The following ADIPOR1 variants were observed in gnomAD, a reference collection of about 807,000 sequenced individuals.
ADIPOR1 encodes the protein adiponectin receptor protein 1.
Under a neutral mutation model 37.5 loss-of-function variants are expected in ADIPOR1, and 15 were observed. The observed-to-expected ratio is 0.40, with a 90% confidence interval of 0.27 to 0.62. The LOEUF (loss-of-function observed/expected upper bound fraction) is 0.62, where lower values mean the gene tolerates loss of function less well. ADIPOR1 is among the 20% of genes least tolerant of loss of function. The probability of loss-of-function intolerance (pLI) is 0.42; values close to 1 mark genes in which losing one functional copy is unlikely to be tolerated. For missense variants in ADIPOR1, 286 were observed against 478.0 expected (o/e 0.60, Z 3.75); for synonymous variants, 173 against 173.2 (o/e 1.00, Z 0.01).
rs773885338 is a variant in ADIPOR1 at position 202,946,566 on chromosome 1, A to G, written c.303T>C (p.Pro101=). The part of the protein sequence containing the change: ...RWRVIPYDVL[P]DWLKDNDYLL... ...GATAGTCGTTGTCCTTTAGCCAGTC[A>G]GGGAGCACATCATATGGGATGACCC... Residue 101 remains proline, a synonymous_variant, in exon 4 of 8, where the codon CCT becomes CCC. Coordinates refer to ENST00000340990, the MANE Select transcript of ADIPOR1 (RefSeq NM_015999.6). 1.9e-6 allele frequency: 3 copies of G among 1,614,136 alleles called. No homozygotes were observed. In the South Asian group the frequency reaches 3.3e-5, roughly 18 times the overall value.
Position 202,940,886 on chromosome 1 carries a change from T to A in ADIPOR1, c.*687A>T, listed in dbSNP as rs984580920. The A allele has an allele frequency of 1.8e-4, 27 of 152,730 alleles. No individual in the cohort carries two copies. Among genetic ancestry groups the A allele is most frequent in the African/African-American group, 6.3e-4 (26 of 41,558 alleles). The allele number at this position is 152,730 out of a possible 1,614,324, so 9.5% of individuals were successfully genotyped here. On this transcript the variant is annotated 3_prime_UTR_variant, in exon 8 of 8. Coordinates refer to ENST00000340990, the MANE Select transcript of ADIPOR1 (RefSeq NM_015999.6). ...TTTTATTAACATCATAGTCTTTGCA[T>A]CAAGATACATAGCAATGATAGCAGG...
At chr1:202,952,764 T>C (rs1439479866) in intron 1 of ADIPOR1, among the ~76,000 whole-genome samples, 1 of 152,200 alleles carries the variant, frequency 6.6e-6, no homozygotes, top group African/African-American at 2.4e-5. Context: ...CATAATCTCA[T>C]GAGCCAATTC....
intron 3 of ADIPOR1, among the ~76,000 whole-genome samples, chr1:202,948,069 G>A (rs33942950): frequency 0.25 from 37,605 of 152,000 alleles, 5,681 homozygotes; most frequent in East Asian, 0.57. Context: ...TTCCAAAGGC[G>A]CCCCTTGCAT....
intron 5 of ADIPOR1, chr1:202,944,221 C>A (rs1654215814): frequency 3.5e-6 from 1 of 283,196 alleles, no homozygotes. Flanking sequence ...ATAGTAGACA[C>A]TTGAATTTAG....
At position 202,942,070 on chromosome 1, in the gene ADIPOR1, A is replaced by T; in HGVS notation, c.954T>A (p.Ala318=). 6.2e-7 allele frequency: 1 copy of T among 1,613,246 alleles called. No homozygotes were observed. ...GAAAGAAGCGCTCAGGAATTCGAGC[A>T]GCATAAAGGCCAGCTCCAGTGATGT... is the stretch of plus-strand genomic sequence containing the variant. ...VMYITGAGLY[A]ARIPERFFPG... Residue 318 remains alanine, a synonymous_variant, in exon 7 of 8, where the codon GCT becomes GCA. Transcript: ENST00000340990.
chr1:202,944,136 G>A (rs963652215), intron 5 of ADIPOR1, 191 bp from the exon 6 acceptor site: 16 of 533,726 alleles, frequency 3.0e-5, no homozygotes, highest in Non-Finnish European at 4.2e-5. Flanking sequence ...TCTATTTTAC[G>A]ATGGAAAAAT....
intron 1 of ADIPOR1, among the ~76,000 whole-genome samples, chr1:202,957,936 G>A (rs555206673): frequency 2.0e-5 from 3 of 152,280 alleles, no homozygotes; most frequent in Non-Finnish European, 2.9e-5. Context: ...GGGGACAGCC[G>A]GGGACGAGCG....
Position 202,943,442 on chromosome 1 carries a change from G to A in ADIPOR1, c.805+316C>T, listed in dbSNP as rs1389200209. On this transcript the variant is annotated intron_variant, in intron 6 of 7. Transcript: ENST00000340990. The stretch of plus-strand genomic sequence containing the variant: ...TTTTAATCCCTTGGTCTGAGCTTGG[G>A]ACTCGGGTCACTAAAATTACTGTGC... 2.0e-5 allele frequency among the ~76,000 whole-genome samples: 3 copies of A among 152,154 alleles called. No homozygotes were observed. In the East Asian group the frequency reaches 5.8e-4, roughly 29 times the overall value.
At chr1:202,944,779 T>C in intron 5 of ADIPOR1, 2 of 433,412 alleles carry the variant, frequency 4.6e-6, no homozygotes, top group Non-Finnish European at 8.3e-6. Flanking sequence ...CTCCATCTGT[T>C]GAAGAGGATG....
intron 1 of ADIPOR1, among the ~76,000 whole-genome samples, chr1:202,956,964 C>T (rs1316801295): frequency 6.6e-6 from 1 of 152,108 alleles, no homozygotes; most frequent in Non-Finnish European, 1.5e-5. Context: ...TATAGTTTTG[C>T]GGAGGTCTAC....
chr1:202,956,803 G>A (rs1223363980), intron 1 of ADIPOR1, among the ~76,000 whole-genome samples: 2 of 152,148 alleles, frequency 1.3e-5, no homozygotes, highest in Non-Finnish European at 2.9e-5. Context: ...TAGCCTAAAA[G>A]CCTACTTAAG....
At chr1:202,956,961 T>C (rs1654810147) in intron 1 of ADIPOR1, among the ~76,000 whole-genome samples, 1 of 152,210 alleles carries the variant, frequency 6.6e-6, no homozygotes, top group Non-Finnish European at 1.5e-5. Context: ...AGGTATAGTT[T>C]TGCGGAGGTC....
chr1:202,946,790 T>C (rs919165116), intron 3 of ADIPOR1, among the ~76,000 whole-genome samples, 180 bp from the exon 4 acceptor site: 5 of 149,434 alleles, frequency 3.3e-5, no homozygotes, highest in African/African-American at 1.2e-4. Context: ...GCTAGCAGAG[T>C]CCTGACTCAT....
At chr1:202,952,540 ACTCT>A (rs1173765774) in intron 1 of ADIPOR1, among the ~76,000 whole-genome samples, 1 of 151,754 alleles carries the variant, frequency 6.6e-6, no homozygotes, top group South Asian at 2.1e-4. Flanking sequence ...TGACTCCCTA[ACTCT>A]CTCTGTCTCT....
At chr1:202,954,004 A>G (rs1178513626) in intron 1 of ADIPOR1, among the ~76,000 whole-genome samples, 1 of 152,164 alleles carries the variant, frequency 6.6e-6, no homozygotes, top group Non-Finnish European at 1.5e-5. Flanking sequence ...TGATCTGAAA[A>G]GTTTTTATGC....
chr1:202,941,419 G>A lies in ADIPOR1; in HGVS notation c.*154C>T. 1.2e-6 allele frequency: 1 copy of A among 859,342 alleles called. No homozygotes were observed. The highest frequency in any genetic ancestry group is 1.7e-6 in the Non-Finnish European group (1 of 592,776). The allele number at this position is 859,342 out of a possible 1,614,324, so 53.2% of individuals were successfully genotyped here. Reference sequence around the variant, plus strand: ...GGAAATGGAAAGTTTATTGCCCAGTGGGTGTGAAAGTGGGCTGAAGCTTGG... The same window carrying A: ...GGAAATGGAAAGTTTATTGCCCAGTAGGTGTGAAAGTGGGCTGAAGCTTGG... On this transcript the variant is annotated 3_prime_UTR_variant, in exon 8 of 8. Transcript: ENST00000340990.
intron 3 of ADIPOR1, among the ~76,000 whole-genome samples, chr1:202,947,645 C>T (rs906400998): frequency 6.6e-6 from 1 of 152,102 alleles, no homozygotes; most frequent in Non-Finnish European, 1.5e-5. Flanking sequence ...CTCCTTTGCC[C>T]CTCTCCAGGA....
chr1:202,944,114 C>A lies in ADIPOR1; in HGVS notation c.618-169G>T, dbSNP rs563962655. The A allele has an allele frequency of 6.8e-6, 4 of 588,090 alleles. No homozygotes were observed. In the South Asian group the frequency reaches 8.9e-5, roughly 13 times the overall value. 36.4% of individuals were successfully genotyped at this position (588,090 alleles called of 1,614,324 possible). The stretch of plus-strand genomic sequence containing the variant: ...TATCCTGTATTCTGGATTAAAATTC[C>A]ACAAGGTCACTTCTATTTTACGATG... On this transcript the variant is annotated intron_variant, in intron 5 of 7. Coordinates refer to ENST00000340990, the MANE Select transcript of ADIPOR1 (RefSeq NM_015999.6).
chr1:202,956,362 G>C (rs1654782987), intron 1 of ADIPOR1, among the ~76,000 whole-genome samples: 1 of 152,212 alleles, frequency 6.6e-6, no homozygotes, highest in African/African-American at 2.4e-5. Flanking sequence ...TATGGGAATA[G>C]AGAACAAATA....
Sources: gnomAD v4.1 joint callset for allele counts (sites outside exome capture counted in the v4.1 genomes callset) on GRCh38, gnomAD v4.1.1 for gene constraint, MANE v1.5 for transcripts, NCBI Gene and HGNC (gene_info 2026-07-23, HGNC 2026-07-21) for gene names.